MYO16: variants seen among roughly 807,000 people sequenced by gnomAD.
MYO16 encodes myosin XVI.
In MYO16, 94 loss-of-function variants were observed where a neutral mutation model predicts 205.3. The observed-to-expected ratio is 0.46, with a 90% CI of 0.39 to 0.54. The LOEUF is 0.54. Among genes scored for constraint, MYO16 ranks in the 20% least tolerant of loss-of-function variants. MYO16 has a pLI of 0.00. For synonymous variants in MYO16, 988 were observed against 954.0 expected (o/e 1.04, Z -0.66); for missense variants, 2,315 against 2,387.5 (o/e 0.97, Z 0.63).
chr13:109,176,603 A>AAAAAAAAAAAAAACC (rs1210061351), intron 33 of MYO16, among the ~76,000 whole-genome samples: 3 of 142,672 alleles, frequency 2.1e-5, no homozygotes, highest in African/African-American at 7.9e-5. Context: ...AAAAAAAAAG[A>AAAAAAAAAAAAAACC]CCTCCTTTGC....
intron 1 of MYO16, among the ~76,000 whole-genome samples, chr13:108,636,192 G>C (rs1018101454): frequency 6.6e-6 from 1 of 151,912 alleles, no homozygotes; most frequent in African/African-American, 2.4e-5. Context: ...AGGTTACACT[G>C]TATTCATTAT....
At chr13:108,542,347 A>T in the MYO16 span, among the ~76,000 whole-genome samples, 4 of 152,244 alleles carry the variant, frequency 2.6e-5, no homozygotes, top group Non-Finnish European at 4.4e-5. Flanking sequence ...GAAGTTTAGA[A>T]AAAAAAACTG....
At chr13:108,879,020 A>T (rs1879466855) in intron 12 of MYO16, among the ~76,000 whole-genome samples, 1 of 152,212 alleles carries the variant, frequency 6.6e-6, no homozygotes, top group South Asian at 2.1e-4. Context: ...GTTTTGGTTG[A>T]GGTGTAATGT....
At chr13:108,967,755 T>C (rs1218512539) in intron 20 of MYO16, among the ~76,000 whole-genome samples, 1 of 152,224 alleles carries the variant, frequency 6.6e-6, no homozygotes, top group Non-Finnish European at 1.5e-5. Flanking sequence ...TCACCAAGCA[T>C]GTACATGTAA....
chr13:108,980,621 T>A (rs1884420503), intron 20 of MYO16, among the ~76,000 whole-genome samples: 1 of 152,318 alleles, frequency 6.6e-6, no homozygotes, highest in South Asian at 2.1e-4. Flanking sequence ...CTTTTTCGAA[T>A]GTAATTTTCT....
chr13:108,793,737 TG>T, intron 6 of MYO16, 97 bp downstream of exon 6: 1 of 922,266 alleles, frequency 1.1e-6, no homozygotes, highest in Non-Finnish European at 1.5e-6. Context: ...AAATAATTGT[TG>T]TGATCATAAA....
intron 27 of MYO16, among the ~76,000 whole-genome samples, chr13:109,098,394 A>G (rs1888844558): frequency 6.6e-6 from 1 of 152,156 alleles, no homozygotes; most frequent in South Asian, 2.1e-4. Flanking sequence ...GCATCCCGCC[A>G]CTTGCAGAAG....
At position 108,724,102 on chromosome 13, in the gene MYO16, T is replaced by C. The variant is rs555433304; in HGVS notation, c.364-3338T>C. On this transcript the variant is annotated intron_variant, in intron 3 of 34. Transcript: ENST00000457511. ...GCTATCTTAATTTAAAAATTATTTTTCAAAGGCTTACCACTAGCATATAGA... is the reference window on the plus strand; with the variant it reads ...GCTATCTTAATTTAAAAATTATTTTCCAAAGGCTTACCACTAGCATATAGA... Among the ~76,000 whole-genome samples, 4 of 152,328 alleles carry C rather than the reference T, an allele frequency of 2.6e-5. No individual in the cohort carries two copies. The South Asian group carries it at 8.3e-4, about 32-fold the overall frequency.
the MYO16 span, among the ~76,000 whole-genome samples, chr13:108,522,766 TTGTGTG>T: frequency 6.7e-6 from 1 of 149,654 alleles, no homozygotes; most frequent in East Asian, 2.0e-4. Flanking sequence ...GTGTGTGTGT[TTGTGTG>T]TGTGTGTGTG....
At chr13:108,898,217 T>G (rs576452304) in intron 15 of MYO16, 84 bp downstream of exon 15, 2 of 965,614 alleles carry the variant, frequency 2.1e-6, no homozygotes, top group East Asian at 4.8e-5. Context: ...ATGGACACAC[T>G]GTGTATGAAT....
chr13:108,555,910 G>A, the MYO16 span, among the ~76,000 whole-genome samples: 2 of 152,124 alleles, frequency 1.3e-5, no homozygotes, highest in East Asian at 1.9e-4. Context: ...CATTCATGTC[G>A]TTGCAAATGA....
chr13:109,169,805 G>A lies in MYO16; in HGVS notation c.5323+4746G>A, dbSNP rs139580840. ...AAGGATTAAATAACTCCAATGTCAC[G>A]TACACGCTTTCAGAGAATAGGAAGG... On this transcript the variant is annotated intron_variant, in intron 33 of 34. Coordinates refer to ENST00000457511, the MANE Select transcript of MYO16 (RefSeq NM_001198950.3). Among the ~76,000 whole-genome samples, 1,073 of 152,224 alleles carry A rather than the reference G, an allele frequency of 7.0e-3. 13 individuals carry two copies. Among genetic ancestry groups the A allele is most frequent in the African/African-American group, 0.024 (1,016 of 41,522 alleles).
intron 4 of MYO16, among the ~76,000 whole-genome samples, chr13:108,783,125 G>A (rs949644631): frequency 6.6e-6 from 1 of 152,136 alleles, no homozygotes; most frequent in Non-Finnish European, 1.5e-5. Context: ...AAAAGCCACA[G>A]ACACTCAACA....
intron 2 of MYO16, among the ~76,000 whole-genome samples, chr13:108,693,522 A>G (rs1268960342): frequency 6.6e-6 from 1 of 152,186 alleles, no homozygotes; most frequent in Non-Finnish European, 1.5e-5. Flanking sequence ...TTCACTCAGC[A>G]TATTTTTAAG....
At chr13:108,647,281 C>T (rs913068529) in intron 1 of MYO16, among the ~76,000 whole-genome samples, 1 of 152,122 alleles carries the variant, frequency 6.6e-6, no homozygotes, top group African/African-American at 2.4e-5. Flanking sequence ...AACTTTCACC[C>T]AGAATTAGTG....
chr13:108,823,731 T>C (rs1386926137), intron 9 of MYO16, among the ~76,000 whole-genome samples: 2 of 151,956 alleles, frequency 1.3e-5, no homozygotes, highest in Admixed American at 1.3e-4. Context: ...ATTGACATCA[T>C]TTTCAAGGTC....
intron 28 of MYO16, among the ~76,000 whole-genome samples, chr13:109,115,270 A>C (rs1016912034): frequency 2.4e-4 from 28 of 115,892 alleles, no homozygotes; most frequent in South Asian, 3.1e-4. Context: ...AAAAAAAAAA[A>C]CACCTAAAAA....
chr13:108,797,830 C>T (rs1279110882), intron 6 of MYO16, among the ~76,000 whole-genome samples: 1 of 152,186 alleles, frequency 6.6e-6, no homozygotes, highest in African/African-American at 2.4e-5. Flanking sequence ...AAAATGCATA[C>T]TTCAACCACT....
chr13:108,508,406 G>A, the MYO16 span, among the ~76,000 whole-genome samples: 4 of 152,184 alleles, frequency 2.6e-5, no homozygotes, highest in Admixed American at 2.6e-4. Flanking sequence ...ATTTTCCAGA[G>A]AGGTTTGCTT....
Sources: gnomAD v4.1 joint callset for allele counts (sites outside exome capture counted in the v4.1 genomes callset) on GRCh38, gnomAD v4.1.1 for gene constraint, MANE v1.5 for transcripts, NCBI Gene and HGNC (gene_info 2026-07-23, HGNC 2026-07-21) for gene names.